The following PARL variants were observed in gnomAD, a reference collection of about 807,000 sequenced individuals.
The protein encoded by PARL is presenilin associated rhomboid like.
In PARL, 44 loss-of-function variants were observed where a neutral mutation model predicts 51.6. That is an observed-to-expected ratio of 0.85 (90% CI 0.67 to 1.10). The LOEUF (loss-of-function observed/expected upper bound fraction) is 1.10. Ranked by LOEUF, PARL falls within the 50% of genes least tolerant of loss-of-function variation. The pLI is 0.00. For missense variants in PARL, 441 were observed against 469.5 expected (o/e 0.94, Z 0.56); for synonymous variants, 172 against 164.0 (o/e 1.05, Z -0.37).
At chr3:183,840,704 C>CTTTT in intron 6 of PARL, 64 bp from the exon 7 acceptor site, 1 of 747,478 alleles carries the variant, frequency 1.3e-6, no homozygotes. Context: ...TTTTTTTTTT[C>CTTTT]TTTTCTTTTT....
At chr3:183,826,814 A>C, downstream of PARL, 4 of 983,570 alleles carry the variant, frequency 4.1e-6, no homozygotes, top group Non-Finnish European at 4.8e-6. Context: ...CCAGCCTGGC[A>C]GATGGCGCTT....
intron 2 of PARL, 132 bp from the exon 3 acceptor site, chr3:183,866,897 C>A: frequency 2.9e-6 from 2 of 700,180 alleles, no homozygotes; most frequent in Non-Finnish European, 4.8e-6. Flanking sequence ...ACAGTGAAAC[C>A]TAATAAGTGA....
At chr3:183,882,777 T>A (rs940629977) in intron 1 of PARL, among the ~76,000 whole-genome samples, 1 of 152,298 alleles carries the variant, frequency 6.6e-6, no homozygotes. Flanking sequence ...GGGCCTGCAG[T>A]AGTTTTCAGA....
At chr3:183,832,378 C>A (rs1330929548) in intron 9 of PARL, among the ~76,000 whole-genome samples, 1 of 152,018 alleles carries the variant, frequency 6.6e-6, no homozygotes, top group African/African-American at 2.4e-5. Flanking sequence ...GCCACCACGC[C>A]CGGCTAAGTT....
rs536646854 is a variant in PARL at position 183,842,387 on chromosome 3, G to A, written c.668C>T (p.Ala223Val). Residue 223 changes from alanine to valine, a missense_variant, in exon 6 of 10, where the codon GCA becomes GTA. By Grantham distance (64) the Ala-to-Val change is moderately conservative. Coordinates refer to ENST00000317096, the MANE Select transcript of PARL (RefSeq NM_018622.7). ...GCTCCACAAAACATACATATTTGCT[G>A]CCATGTGAAATAAGGAGAAATGACT... ...TFSHFSLFHM[A>V]ANMYVLWSFS... The A allele has an allele frequency of 2.6e-5, 42 of 1,613,240 alleles. No individual in the cohort carries two copies. The African/African-American group carries it at 5.2e-4, about 20-fold the overall frequency.
At chr3:183,859,237 C>T (rs1731524914) in intron 4 of PARL, among the ~76,000 whole-genome samples, 1 of 152,032 alleles carries the variant, frequency 6.6e-6, no homozygotes, top group South Asian at 2.1e-4. Context: ...GAGATCACGC[C>T]ACTGCACTCC....
rs1375686125 is a variant in PARL at position 183,868,059 on chromosome 3, A to T, written c.127T>A (p.Phe43Ile). 6.2e-7 allele frequency: 1 copy of T among 1,612,784 alleles called. No individual in the cohort carries two copies. Among genetic ancestry groups the T allele is most frequent in the East Asian group, 2.2e-5 (1 of 44,864 alleles). ...LTPPQLLGRR[F>I]NFFIQQKCGF... Reference sequence around the variant, plus strand: ...CATTTTTGTTGAATAAAGAAGTTAAACCTATGGGGCAAAAATAACAGATGA... The same window carrying T: ...CATTTTTGTTGAATAAAGAAGTTAATCCTATGGGGCAAAAATAACAGATGA... The change falls in exon 2 of 10, where the codon TTT (phenylalanine) becomes ATT (isoleucine). Residue 43 changes from phenylalanine to isoleucine, a missense_variant and splice_region_variant. Physicochemically the swap from Phe to Ile is conservative, Grantham distance 21 (BLOSUM62 0). Coordinates refer to ENST00000317096, the MANE Select transcript of PARL (RefSeq NM_018622.7).
intron 4 of PARL, among the ~76,000 whole-genome samples, chr3:183,849,170 C>G (rs1730285662): frequency 6.6e-6 from 1 of 152,128 alleles, no homozygotes; most frequent in South Asian, 2.1e-4. Context: ...TTCAGCAGCT[C>G]TATAAAACGA....
chr3:183,877,804 CTTT>C (rs35496459), intron 1 of PARL, among the ~76,000 whole-genome samples: 2 of 146,874 alleles, frequency 1.4e-5, no homozygotes, highest in Non-Finnish European at 1.5e-5. Flanking sequence ...TAATTTATTA[CTTT>C]TTTTTTTTTT....
At chr3:183,851,926 G>C (rs540887642) in intron 4 of PARL, among the ~76,000 whole-genome samples, 1 of 152,122 alleles carries the variant, frequency 6.6e-6, no homozygotes, top group African/African-American at 2.4e-5. Context: ...TTGGGAGGCC[G>C]GGGCAAGAGG....
At chr3:183,829,815 C>A (rs1727713219) in intron 9 of PARL, 106 bp from the exon 10 acceptor site, 1 of 873,454 alleles carries the variant, frequency 1.1e-6, no homozygotes, top group East Asian at 2.4e-5. Flanking sequence ...GAATGCCACT[C>A]ACTATGTAGC....
intron 7 of PARL, among the ~76,000 whole-genome samples, chr3:183,837,496 T>TAG (rs1728764535): frequency 6.6e-6 from 1 of 152,172 alleles, no homozygotes; most frequent in African/African-American, 2.4e-5. Context: ...GAAGCACCCT[T>TAG]GCTCCTCCTA....
chr3:183,884,709 C>A lies in PARL; in HGVS notation c.125+13G>T. ...ACCAAGAGGCGAGAAGACCAGAGCG[C>A]GGCGGCTATTACCTGCGTCCGAGGA... On this transcript the variant is annotated intron_variant, in intron 1 of 9. Coordinates refer to ENST00000317096, the MANE Select transcript of PARL (RefSeq NM_018622.7). 1.3e-6 allele frequency: 2 copies of A among 1,585,464 alleles called. No individual in the cohort carries two copies. The highest frequency in any genetic ancestry group is 8.6e-7 in the Non-Finnish European group (1 of 1,168,448).
chr3:183,873,714 C>G (rs1158375197), intron 1 of PARL, among the ~76,000 whole-genome samples: 1 of 152,088 alleles, frequency 6.6e-6, no homozygotes, highest in East Asian at 1.9e-4. Flanking sequence ...TAATAAAAAA[C>G]TACTTCTACC....
At chr3:183,861,133 G>C (rs186022674) in intron 4 of PARL, 1 of 359,394 alleles carries the variant, frequency 2.8e-6, no homozygotes, top group East Asian at 1.6e-4. Flanking sequence ...TTTCATAAAA[G>C]AAGCAAGCAA....
At chr3:183,846,127 A>T (rs111289930) in intron 4 of PARL, among the ~76,000 whole-genome samples, 6 of 152,164 alleles carry the variant, frequency 3.9e-5, no homozygotes, top group Non-Finnish European at 2.9e-5. Context: ...CACAGGCACC[A>T]CAGCACTGTC....
At chr3:183,874,044 G>A (rs1233886211) in intron 1 of PARL, among the ~76,000 whole-genome samples, 1 of 152,186 alleles carries the variant, frequency 6.6e-6, no homozygotes, top group African/African-American at 2.4e-5. Context: ...CATCTAGCAT[G>A]TCTTTTGGCA....
At chr3:183,829,106 CACT>C (rs1198769296), downstream of PARL, among the ~76,000 whole-genome samples, 1 of 152,198 alleles carries the variant, frequency 6.6e-6, no homozygotes, top group Non-Finnish European at 1.5e-5. Context: ...TGCCAGAAAA[CACT>C]ACCTTTCCTG....
At chr3:183,866,814 T>C (rs1485423885) in intron 2 of PARL, 49 bp from the exon 3 acceptor site, 7 of 1,274,270 alleles carry the variant, frequency 5.5e-6, no homozygotes, top group Non-Finnish European at 7.9e-6. Context: ...GGGAAATAGA[T>C]CTATACATTA....
Sources: gnomAD v4.1 joint callset for allele counts (sites outside exome capture counted in the v4.1 genomes callset) on GRCh38, gnomAD v4.1.1 for gene constraint, MANE v1.5 for transcripts, NCBI Gene and HGNC (gene_info 2026-07-23, HGNC 2026-07-21) for gene names.